F13A1: variants seen among roughly 807,000 people sequenced by gnomAD.
The protein encoded by F13A1 is coagulation factor XIII A chain, also known as FSF, A subunit.
F13A1 carries 47 observed loss-of-function variants against 80.1 expected under a neutral mutation model. The observed-to-expected ratio is 0.59, with a 90% CI of 0.46 to 0.75. The LOEUF (loss-of-function observed/expected upper bound fraction) is 0.75, where lower values mean the gene tolerates loss of function less well. F13A1 is among the 30% of genes least tolerant of loss of function. The probability of loss-of-function intolerance (pLI) is 0.00; values close to 1 mark genes in which losing one functional copy is unlikely to be tolerated. For synonymous variants in F13A1, 349 were observed against 344.9 expected, an observed-to-expected ratio of 1.01 and a Z score of -0.13; for missense variants, 817 against 930.4, an observed-to-expected ratio of 0.88 and a Z score of 1.59.
Position 6,232,069 on chromosome 6 carries a change from G to C in F13A1, c.799-7209C>G, listed in dbSNP as rs140536550. Among the ~76,000 whole-genome samples, 1,091 of 152,198 alleles carry C rather than the reference G, an allele frequency of 7.2e-3. 10 individuals carry two copies. The highest frequency in any genetic ancestry group is 0.025 in the African/African-American group (1,045 of 41,548). ...AAAACCAAAGTACACAGGCAACAAAGAGCATGATGAATGTAATGGTACCTC... is the reference window on the plus strand; with the variant it reads ...AAAACCAAAGTACACAGGCAACAAACAGCATGATGAATGTAATGGTACCTC... On this transcript the variant is annotated intron_variant, in intron 6 of 14. Coordinates refer to ENST00000264870, the MANE Select transcript of F13A1 (RefSeq NM_000129.4).
chr6:6,289,350 GC>G (rs1758189002), intron 3 of F13A1, among the ~76,000 whole-genome samples: 1 of 152,120 alleles, frequency 6.6e-6, no homozygotes, highest in South Asian at 2.1e-4. Context: ...ATGGCAGAGG[GC>G]CAGCCACTGG....
At chr6:6,306,217 C>T (rs996019617) in intron 2 of F13A1, among the ~76,000 whole-genome samples, 2 of 152,192 alleles carry the variant, frequency 1.3e-5, no homozygotes, top group African/African-American at 2.4e-5. Flanking sequence ...CCTCAGCTTT[C>T]CTTAGCTACT....
chr6:6,295,492 C>A (rs1308119927), intron 3 of F13A1, among the ~76,000 whole-genome samples: 1 of 147,708 alleles, frequency 6.8e-6, no homozygotes, highest in African/African-American at 2.6e-5. Context: ...TCTCTGATGG[C>A]CAGTGATGGT....
intron 4 of F13A1, among the ~76,000 whole-genome samples, chr6:6,265,455 A>C (rs956209366): frequency 1.3e-5 from 2 of 152,202 alleles, no homozygotes; most frequent in African/African-American, 2.4e-5. Context: ...CTTCGTACAA[A>C]GTGTGGGAGC....
chr6:6,297,393 G>A (rs1384629392), intron 3 of F13A1, among the ~76,000 whole-genome samples: 1 of 150,626 alleles, frequency 6.6e-6, no homozygotes, highest in Non-Finnish European at 1.5e-5. Flanking sequence ...CTTTTTGGTT[G>A]GTAAGCTATT....
intron 3 of F13A1, among the ~76,000 whole-genome samples, chr6:6,282,182 T>C (rs1272143108): frequency 6.6e-6 from 1 of 152,110 alleles, no homozygotes; most frequent in African/African-American, 2.4e-5. Flanking sequence ...AATACTACTT[T>C]CTATTAAAAT....
chr6:6,276,784 A>G (rs1016075940), intron 3 of F13A1, among the ~76,000 whole-genome samples: 19 of 152,200 alleles, frequency 1.2e-4, no homozygotes, highest in African/African-American at 4.3e-4. Flanking sequence ...CATTTCATAA[A>G]CTGAACAAAT....
At chr6:6,166,208 T>A (rs1760669100) in intron 13 of F13A1, among the ~76,000 whole-genome samples, 1 of 152,248 alleles carries the variant, frequency 6.6e-6, no homozygotes, top group African/African-American at 2.4e-5. Flanking sequence ...TGTAAAGTGA[T>A]GCCAGTACTC....
At chr6:6,159,874 T>C (rs1324732777) in intron 13 of F13A1, among the ~76,000 whole-genome samples, 3 of 152,132 alleles carry the variant, frequency 2.0e-5, no homozygotes, top group African/African-American at 7.2e-5. Flanking sequence ...AAGTGCTGGT[T>C]AGCTCAGGTT....
intron 10 of F13A1, among the ~76,000 whole-genome samples, chr6:6,192,329 A>G (rs1761215693): frequency 6.6e-6 from 1 of 152,154 alleles, no homozygotes; most frequent in Admixed American, 6.5e-5. Context: ...ACAGAAAAGG[A>G]GCAAGAGGGG....
At chr6:6,251,923 T>G (rs990061137) in intron 4 of F13A1, among the ~76,000 whole-genome samples, 4 of 152,064 alleles carry the variant, frequency 2.6e-5, no homozygotes, top group African/African-American at 9.7e-5. Flanking sequence ...AGGATGAATG[T>G]CCTAGGAAGC....
At chr6:6,175,017 CTA>C (rs1760857093) in intron 11 of F13A1, 150 bp from the exon 12 acceptor site, 1 of 974,416 alleles carries the variant, frequency 1.0e-6, no homozygotes, top group East Asian at 2.6e-5. Flanking sequence ...GTCATTATTC[CTA>C]TGTTATAAAT....
chr6:6,315,101 A>G (rs936965554), intron 2 of F13A1, among the ~76,000 whole-genome samples: 8 of 152,204 alleles, frequency 5.3e-5, no homozygotes, highest in African/African-American at 1.9e-4. Context: ...AATGATTCCA[A>G]TTACTGCTAC....
At chr6:6,240,371 C>G (rs922612016) in intron 6 of F13A1, among the ~76,000 whole-genome samples, 2 of 152,130 alleles carry the variant, frequency 1.3e-5, no homozygotes, top group African/African-American at 4.8e-5. Flanking sequence ...ATCGTCCCCC[C>G]ACTGCCCCCA....
chr6:6,242,360 G>T (rs17376901), intron 6 of F13A1, among the ~76,000 whole-genome samples: 23,858 of 152,108 alleles, frequency 0.16, 2,086 homozygotes, highest in Middle Eastern at 0.22. Flanking sequence ...TTCCCAAAAG[G>T]CATAGTCAGA....
intron 14 of F13A1, among the ~76,000 whole-genome samples, chr6:6,147,743 C>G (rs764829719): frequency 1.2e-4 from 19 of 152,314 alleles, no homozygotes; most frequent in Non-Finnish European, 2.6e-4. Context: ...AACCATCCGG[C>G]ATAATGATGT....
chr6:6,158,606 C>G (rs1261217986), intron 13 of F13A1, among the ~76,000 whole-genome samples: 1 of 152,006 alleles, frequency 6.6e-6, no homozygotes, highest in African/African-American at 2.4e-5. Context: ...CCCGGCCTCC[C>G]CATGAAGGGT....
chr6:6,274,544 A>G (rs1178619266), intron 3 of F13A1, among the ~76,000 whole-genome samples: 1 of 152,238 alleles, frequency 6.6e-6, no homozygotes, highest in Non-Finnish European at 1.5e-5. Context: ...ATTCACAGGA[A>G]GTAAGAACAT....
chr6:6,172,001 A>G (rs1400387370), intron 12 of F13A1, among the ~76,000 whole-genome samples: 1 of 151,944 alleles, frequency 6.6e-6, no homozygotes, highest in Non-Finnish European at 1.5e-5. Flanking sequence ...GTATTTTTCT[A>G]TTACCCATAT....
Sources: allele counts gnomAD v4.1 joint callset (sites outside exome capture counted in the v4.1 genomes callset), GRCh38; gene constraint gnomAD v4.1.1; transcripts MANE v1.5; gene names NCBI Gene and HGNC (gene_info 2026-07-23, HGNC 2026-07-21).